The following STK33 variants were observed in gnomAD, a reference collection of about 807,000 sequenced individuals.
STK33 encodes serine/threonine-protein kinase 33.
A neutral mutation model predicts 58.0 loss-of-function variants in STK33; 52 were observed. The observed-to-expected ratio is 0.90, with a 90% CI of 0.72 to 1.13. The LOEUF is 1.13. Ranked by LOEUF, STK33 falls within the 50% of genes most tolerant of loss-of-function variation. The pLI is 0.00. For missense variants in STK33, 630 were observed against 604.2 expected (o/e 1.04, Z -0.45); for synonymous variants, 215 against 200.1 (o/e 1.07, Z -0.63).
At position 8,436,137 on chromosome 11, in the gene STK33, A is replaced by T; in HGVS notation, c.950T>A (p.Leu317Ter). 1 of 1,543,958 alleles carries T rather than the reference A, an allele frequency of 6.5e-7. No individual in the cohort carries two copies. Among genetic ancestry groups the T allele is most frequent in the South Asian group, 1.3e-5 (1 of 78,662 alleles). ...TGCCAAAAAGGGTGGTTCTCCACGTAATCTGCAACAAAGGCAATCACTTTG... is the reference window on the plus strand; with the variant it reads ...TGCCAAAAAGGGTGGTTCTCCACGTTATCTGCAACAAAGGCAATCACTTTG... ...WSIGVVMYML[L>*]RGEPPFLASS... Residue 317 changes from leucine (L) to a stop codon, truncating the protein, a stop_gained and splice_region_variant, in exon 13 of 16, where the codon TTA becomes TAA. Coordinates refer to ENST00000687296, the MANE Select transcript of STK33 (RefSeq NM_001352389.2). LOFTEE classifies it high-confidence loss of function.
chr11:8,379,694 G>A, the STK33 span, among the ~76,000 whole-genome samples: 84 of 152,220 alleles, frequency 5.5e-4, no homozygotes, highest in Non-Finnish European at 9.6e-4. Flanking sequence ...TGTCATGGGC[G>A]CTTTGTTGTA....
At chr11:8,502,661 C>T (rs1951604931) in intron 1 of STK33, among the ~76,000 whole-genome samples, 1 of 151,948 alleles carries the variant, frequency 6.6e-6, no homozygotes, top group Non-Finnish European at 1.5e-5. Flanking sequence ...AGCTTCTGCA[C>T]AGAGGAAAAA....
At chr11:8,514,963 T>A (rs530611253) in intron 1 of STK33, among the ~76,000 whole-genome samples, 3 of 151,096 alleles carry the variant, frequency 2.0e-5, no homozygotes, top group African/African-American at 7.3e-5. Flanking sequence ...ACACAAAAAA[T>A]GAACAAAAGG....
intron 1 of STK33, among the ~76,000 whole-genome samples, chr11:8,548,730 A>G (rs1049431599): frequency 6.6e-6 from 1 of 152,154 alleles, no homozygotes; most frequent in Non-Finnish European, 1.5e-5. Flanking sequence ...AATTCTCCCA[A>G]TACATGATCA....
chr11:8,555,557 C>G (rs1022734557), intron 1 of STK33, among the ~76,000 whole-genome samples: 1 of 151,750 alleles, frequency 6.6e-6, no homozygotes, highest in African/African-American at 2.4e-5. Flanking sequence ...CCCAGTTACT[C>G]GGGAGGCTGA....
the STK33 span, among the ~76,000 whole-genome samples, chr11:8,338,710 C>T: frequency 1.3e-5 from 2 of 152,204 alleles, no homozygotes; most frequent in Non-Finnish European, 2.9e-5. Flanking sequence ...CTCCTCACCT[C>T]AGTTTCCCCA....
At chr11:8,440,270 C>T (rs1443793369) in intron 12 of STK33, among the ~76,000 whole-genome samples, 8 of 152,008 alleles carry the variant, frequency 5.3e-5, no homozygotes, top group Non-Finnish European at 1.2e-4. Context: ...CTAGTTAGTG[C>T]CCACTCCCAC....
chr11:8,523,513 G>T (rs975949846), intron 1 of STK33, among the ~76,000 whole-genome samples: 5 of 145,924 alleles, frequency 3.4e-5, no homozygotes, highest in African/African-American at 1.3e-4. Flanking sequence ...GAGCCCCTCC[G>T]CTGGGCAGCC....
chr11:8,350,483 G>T, the STK33 span, among the ~76,000 whole-genome samples: 193 of 152,274 alleles, frequency 1.3e-3, 7 homozygotes, highest in South Asian at 0.038. Flanking sequence ...ACCCTCTGGG[G>T]CACACAACAG....
intron 14 of STK33, among the ~76,000 whole-genome samples, chr11:8,429,306 G>A (rs188691950): frequency 2.2e-4 from 34 of 152,194 alleles, no homozygotes; most frequent in Non-Finnish European, 3.5e-4. Flanking sequence ...GAGAAGACTC[G>A]TCATTTTTCA....
chr11:8,447,471 G>A (rs975141629), intron 11 of STK33, among the ~76,000 whole-genome samples: 1 of 152,120 alleles, frequency 6.6e-6, no homozygotes, highest in Non-Finnish European at 1.5e-5. Flanking sequence ...GGGATACAAG[G>A]CTGGTTCAAC....
At chr11:8,454,128 T>C (rs11041929) in intron 10 of STK33, among the ~76,000 whole-genome samples, 60,888 of 152,044 alleles carry the variant, frequency 0.4, 12,457 homozygotes, top group South Asian at 0.56. Flanking sequence ...TTCTATTACA[T>C]AGGACTTAGC....
the STK33 span, among the ~76,000 whole-genome samples, chr11:8,352,690 C>T: frequency 2.0e-5 from 3 of 152,168 alleles, no homozygotes; most frequent in African/African-American, 4.8e-5. Flanking sequence ...TAGAATGACT[C>T]CATTTTGCCA....
intron 1 of STK33, among the ~76,000 whole-genome samples, chr11:8,567,780 T>G (rs1957547098): frequency 6.6e-6 from 1 of 152,198 alleles, no homozygotes; most frequent in Non-Finnish European, 1.5e-5. Flanking sequence ...GGCTTTGAAC[T>G]CCTTTTACAT....
At chr11:8,376,423 G>T in the STK33 span, among the ~76,000 whole-genome samples, 2 of 152,226 alleles carry the variant, frequency 1.3e-5, no homozygotes, top group Admixed American at 6.5e-5. Flanking sequence ...GCTTAAGACA[G>T]AATTTGGTTC....
At chr11:8,470,693 T>C (rs533129864) in intron 6 of STK33, among the ~76,000 whole-genome samples, 1 of 152,206 alleles carries the variant, frequency 6.6e-6, no homozygotes, top group African/African-American at 2.4e-5. Flanking sequence ...GGGTTATTAA[T>C]TGTCCTAATT....
intron 15 of STK33, among the ~76,000 whole-genome samples, chr11:8,398,420 T>C (rs1311185108): frequency 6.6e-6 from 1 of 152,180 alleles, no homozygotes; most frequent in Non-Finnish European, 1.5e-5. Context: ...CTGAGAGATT[T>C]TGTCACCACC....
At chr11:8,501,050 T>C (rs1168127504) in intron 1 of STK33, among the ~76,000 whole-genome samples, 5 of 152,104 alleles carry the variant, frequency 3.3e-5, no homozygotes, top group African/African-American at 1.2e-4. Context: ...TAACTCAAAA[T>C]AGATCAAAGA....
chr11:8,386,389 A>G, the STK33 span, among the ~76,000 whole-genome samples: 1 of 152,262 alleles, frequency 6.6e-6, no homozygotes, highest in Admixed American at 6.5e-5. Flanking sequence ...GACTGAAGCT[A>G]CAACCAGGTA....
Sources: gnomAD v4.1 joint callset for allele counts (sites outside exome capture counted in the v4.1 genomes callset) on GRCh38, gnomAD v4.1.1 for gene constraint, MANE v1.5 for transcripts, NCBI Gene and HGNC (gene_info 2026-07-23, HGNC 2026-07-21) for gene names.